CLASP2: variants seen among roughly 807,000 people sequenced by gnomAD.
CLASP2 encodes CLIP-associating protein 2.
CLASP2 carries 47 observed loss-of-function variants against 194.4 expected under a neutral mutation model. The observed-to-expected ratio is 0.24, with a 90% CI of 0.19 to 0.31. The LOEUF (loss-of-function observed/expected upper bound fraction) is 0.31, where lower values mean the gene tolerates loss of function less well. CLASP2 is among the 10% of genes least tolerant of loss of function. The probability of loss-of-function intolerance (pLI) is 1.00; values close to 1 mark genes in which losing one functional copy is unlikely to be tolerated. For missense variants in CLASP2, 1,445 were observed against 1,823.6 expected, an observed-to-expected ratio of 0.79 and a Z score of 3.78; for synonymous variants, 619 against 633.5, an observed-to-expected ratio of 0.98 and a Z score of 0.34.
intron 32 of CLASP2, among the ~76,000 whole-genome samples, chr3:33,539,767 C>T (rs1363832720): frequency 2.0e-5 from 3 of 152,170 alleles, no homozygotes; most frequent in Non-Finnish European, 4.4e-5. Flanking sequence ...GACCATGACT[C>T]AAACAGCCTA....
chr3:33,641,297 A>C (rs2081238555), intron 8 of CLASP2, among the ~76,000 whole-genome samples: 2 of 152,140 alleles, frequency 1.3e-5, no homozygotes, highest in South Asian at 2.1e-4. Flanking sequence ...CATTGAGCCA[A>C]AAGAAAGAAA....
Position 33,594,999 on chromosome 3 carries a change from C to A in CLASP2, c.1949-31G>T, listed in dbSNP as rs182510960. 2.5e-4 allele frequency: 351 copies of A among 1,396,778 alleles called. 2 individuals are homozygous for A. The African/African-American group carries it at 4.7e-3, about 19-fold the overall frequency. The allele number at this position is 1,396,778 out of a possible 1,614,324, so 86.5% of individuals were successfully genotyped here. On this transcript the variant is annotated intron_variant, in intron 19 of 38. Coordinates refer to ENST00000682230, the MANE Select transcript of CLASP2 (RefSeq NM_001365631.1). ...TAAGAAAAATAAAACAACATTTCAA[C>A]AAATTCTGCCAATGTTGATATTAAG...
chr3:33,710,478 C>T (rs955503790), intron 1 of CLASP2, among the ~76,000 whole-genome samples: 1 of 152,072 alleles, frequency 6.6e-6, no homozygotes, highest in Admixed American at 6.6e-5. Flanking sequence ...AAGACTGAGG[C>T]CAGAGGGTCA....
At chr3:33,567,658 G>A (rs2062985633) in intron 26 of CLASP2, among the ~76,000 whole-genome samples, 1 of 152,062 alleles carries the variant, frequency 6.6e-6, no homozygotes, top group Non-Finnish European at 1.5e-5. Flanking sequence ...TATGTTCTAA[G>A]GGTTTACATG....
intron 6 of CLASP2, among the ~76,000 whole-genome samples, chr3:33,673,118 G>A (rs1475739300): frequency 6.6e-6 from 1 of 152,146 alleles, no homozygotes; most frequent in Non-Finnish European, 1.5e-5. Context: ...CTCGTGAAAA[G>A]CAACTCCAAG....
chr3:33,688,163 G>C, intron 4 of CLASP2, 114 bp downstream of exon 4: 1 of 679,102 alleles, frequency 1.5e-6, no homozygotes, highest in Non-Finnish European at 2.4e-6. Flanking sequence ...GAAGTTATAT[G>C]CTTTAATAAT....
chr3:33,602,043 T>C (rs1467121172), intron 18 of CLASP2, among the ~76,000 whole-genome samples: 1 of 149,074 alleles, frequency 6.7e-6, no homozygotes, highest in East Asian at 2.0e-4. Flanking sequence ...TGACGGAGTC[T>C]CACTCTGTCG....
intron 34 of CLASP2, among the ~76,000 whole-genome samples, chr3:33,529,703 C>T (rs1295948767): frequency 3.3e-5 from 5 of 152,132 alleles, no homozygotes; most frequent in South Asian, 2.1e-4. Context: ...GATCTTCGGC[C>T]GGGCGCGGTG....
In CLASP2 at chr3:33,497,120, TAGAG is replaced by T. The variant is rs573091608; in HGVS notation, c.*1507_*1510del. ...TTGTTACAGGTAGAGGGAGAGGATATAGAGAAACTTTTCCTGCTGCTAGAACAGA... is the reference window on the plus strand; with the variant it reads ...TTGTTACAGGTAGAGGGAGAGGATATAAACTTTTCCTGCTGCTAGAACAGA... On this transcript the variant is annotated 3_prime_UTR_variant, in exon 39 of 39. Transcript: ENST00000682230. 7 of 152,570 alleles carry T rather than the reference TAGAG, an allele frequency of 4.6e-5. No homozygotes were observed. Among genetic ancestry groups the T allele is most frequent in the Non-Finnish European group, 7.3e-5 (5 of 68,032 alleles). The allele number at this position is 152,570 out of a possible 1,614,324, so 9.5% of individuals were successfully genotyped here. A position where few individuals can be genotyped will look rare whatever the true frequency, so the allele number is the denominator to read the frequency against.
chr3:33,652,795 C>T (rs990344894), intron 7 of CLASP2, among the ~76,000 whole-genome samples: 4 of 152,164 alleles, frequency 2.6e-5, no homozygotes, highest in Non-Finnish European at 5.9e-5. Context: ...AAGTCCTCCC[C>T]AATCCCAGTA....
chr3:33,706,372 C>T (rs2092686035), intron 1 of CLASP2, among the ~76,000 whole-genome samples: 2 of 152,150 alleles, frequency 1.3e-5, no homozygotes, highest in Non-Finnish European at 2.9e-5. Flanking sequence ...TTAGCAACAA[C>T]TATTTTGAAA....
chr3:33,632,006 T>TC, intron 9 of CLASP2, among the ~76,000 whole-genome samples: 1 of 152,186 alleles, frequency 6.6e-6, no homozygotes. Context: ...CAAACTTCTA[T>TC]CATCAACTAA....
At chr3:33,659,120 G>A in intron 7 of CLASP2, 1 of 1,448,336 alleles carries the variant, frequency 6.9e-7, no homozygotes, top group South Asian at 1.5e-5. Flanking sequence ...CCCAGGCCTC[G>A]CTGCAGCTCT....
intron 1 of CLASP2, among the ~76,000 whole-genome samples, chr3:33,700,453 T>C (rs2092296694): frequency 6.6e-6 from 1 of 151,952 alleles, no homozygotes; most frequent in Non-Finnish European, 1.5e-5. Context: ...ACCTTAAAAA[T>C]ATATGTATTT....
At chr3:33,520,627 A>G (rs986883275) in intron 34 of CLASP2, among the ~76,000 whole-genome samples, 2 of 152,204 alleles carry the variant, frequency 1.3e-5, no homozygotes, top group African/African-American at 4.8e-5. Flanking sequence ...AGGTAATAGC[A>G]GAGATAGCAG....
At chr3:33,549,958 A>C (rs957863509) in intron 30 of CLASP2, among the ~76,000 whole-genome samples, 1 of 151,986 alleles carries the variant, frequency 6.6e-6, no homozygotes, top group African/African-American at 2.4e-5. Flanking sequence ...GCTGGGCTCA[A>C]GCTCCTGAGC....
chr3:33,504,231 A>G (rs2047537365), intron 37 of CLASP2: 1 of 152,214 alleles, frequency 6.6e-6, no homozygotes, highest in African/African-American at 2.4e-5. Context: ...TAGGTGTCAT[A>G]TCTAATAATC....
At chr3:33,569,989 C>T (rs569228230) in intron 26 of CLASP2, among the ~76,000 whole-genome samples, 8 of 151,990 alleles carry the variant, frequency 5.3e-5, no homozygotes, top group Non-Finnish European at 8.8e-5. Flanking sequence ...TATTTCCTTG[C>T]CACATCTCCC....
chr3:33,633,680 A>C (rs1223171745), intron 8 of CLASP2, among the ~76,000 whole-genome samples: 1 of 152,108 alleles, frequency 6.6e-6, no homozygotes. Context: ...ACCAATCAAC[A>C]AGAGGCCATT....
Sources: allele counts gnomAD v4.1 joint callset (sites outside exome capture counted in the v4.1 genomes callset), GRCh38; gene constraint gnomAD v4.1.1; transcripts MANE v1.5; gene names NCBI Gene and HGNC (gene_info 2026-07-23, HGNC 2026-07-21).